Variants in TRPV5 observed in about 807,000 individuals in gnomAD.
TRPV5 encodes the protein transient receptor potential cation channel subfamily V member 5.
A neutral mutation model predicts 74.1 loss-of-function variants in TRPV5; 66 were observed. That is an observed-to-expected ratio of 0.89 (90% CI 0.73 to 1.09). The LOEUF is 1.09. Ranked by LOEUF, TRPV5 falls within the 50% of genes least tolerant of loss-of-function variation. TRPV5 has a pLI of 0.00. For synonymous variants in TRPV5, 399 were observed against 360.7 expected (o/e 1.11, Z -1.20); for missense variants, 936 against 930.4 (o/e 1.01, Z -0.08).
At chr7:142,925,387 T>C (rs903624482) in intron 8 of TRPV5, 142 bp downstream of exon 8, 2 of 766,264 alleles carry the variant, frequency 2.6e-6, no homozygotes, top group Non-Finnish European at 4.4e-6. Flanking sequence ...CCTGGTCTCA[T>C]GTCTAATTTC....
intron 8 of TRPV5, among the ~76,000 whole-genome samples, chr7:142,924,384 A>G (rs1411844077): frequency 8.3e-6 from 1 of 120,954 alleles, no homozygotes; most frequent in African/African-American, 3.9e-5. Flanking sequence ...ACATATATAT[A>G]TATATATACA....
chr7:142,925,688 C>T lies in TRPV5; in HGVS notation c.963G>A (p.Trp321Ter), dbSNP rs778285712. The change falls in exon 8 of 15, where the codon TGG becomes TGA. Residue 321 changes from tryptophan (W) to a stop codon, truncating the protein, a stop_gained. Transcript: ENST00000265310. LOFTEE classifies it high-confidence loss of function. ...AGAAGTACGGCCGGCCATACTTGTT[C>T]CACTTGAAGCTCACCAGCTCCTTCA... ...TPVKELVSFK[W>*]NKYGRPYFCI... 6.2e-7 allele frequency: 1 copy of T among 1,614,152 alleles called. No individual in the cohort carries two copies. The highest frequency in any genetic ancestry group is 8.5e-7 in the Non-Finnish European group (1 of 1,180,018).
At position 142,908,288 on chromosome 7, in the gene TRPV5, G is replaced by C; in HGVS notation, c.*226C>G. ...TGCCAACCTCCTTTTTCCTGAGATG[G>C]GTGACTTGCAAGAGCCCAGAAAATA... On this transcript the variant is annotated 3_prime_UTR_variant, in exon 15 of 15. Transcript: ENST00000265310. The C allele has an allele frequency of 3.4e-6, 2 of 584,362 alleles. No homozygotes were observed. Among genetic ancestry groups the C allele is most frequent in the African/African-American group, 1.9e-5 (1 of 53,808 alleles). 36.2% of individuals were successfully genotyped at this position (584,362 alleles called of 1,614,324 possible).
rs746449765 is a variant in TRPV5, at chr7:142,928,701, C to A, written c.752G>T (p.Gly251Val). 1 of 1,613,568 alleles carries A rather than the reference C, an allele frequency of 6.2e-7. No individual in the cohort carries two copies. Among genetic ancestry groups the A allele is most frequent in the Non-Finnish European group, 8.5e-7 (1 of 1,179,720 alleles). The change falls in exon 6 of 15, where the codon GGT becomes GTT. Residue 251 changes from glycine to valine, a missense_variant. Coordinates refer to ENST00000265310, the MANE Select transcript of TRPV5 (RefSeq NM_019841.7). Reference protein sequence around the residue: ...LTPFKLAGVEGNTVMFQHLMQ... With the variant: ...LTPFKLAGVEVNTVMFQHLMQ... ...GGGAGCGTCTCTTACCACAGTGTTA[C>A]CCTCCACTCCAGCCAGCTTGAAGGG...
intron 8 of TRPV5, chr7:142,925,007 A>G (rs4252440): frequency 0.015 from 2,498 of 171,418 alleles, 59 homozygotes; most frequent in African/African-American, 0.056. Context: ...TATTTACTTC[A>G]GCCTGATACC....
At chr7:142,918,980 C>T (rs924134417) in intron 8 of TRPV5, among the ~76,000 whole-genome samples, 10 of 152,248 alleles carry the variant, frequency 6.6e-5, no homozygotes, top group African/African-American at 2.4e-4. Flanking sequence ...GCTCTGGCCA[C>T]ATTGAGCTAT....
chr7:142,912,856 C>G (rs536477407), intron 12 of TRPV5, 106 bp from the exon 13 acceptor site: 7 of 944,060 alleles, frequency 7.4e-6, no homozygotes, highest in Non-Finnish European at 9.5e-6. Context: ...ATCTATCTAT[C>G]TATCTATCTA....
chr7:142,930,177 G>C lies in TRPV5; in HGVS notation c.230C>G (p.Ala77Gly). The stretch of plus-strand genomic sequence containing the variant: ...TATGTGCAGCGCCGTCTCCCCCAGG[G>C]CTCCTGGATTGGAGTAAGACAGAGA... Reference protein sequence around the residue: ...DCTCDVRQRGALGETALHIAA... With the variant: ...DCTCDVRQRGGLGETALHIAA... Residue 77 changes from alanine to glycine, a missense_variant, in exon 3 of 15, where the codon GCC (alanine) becomes GGC (glycine). Physicochemically the swap from Ala to Gly is moderately conservative, Grantham distance 60. Transcript: ENST00000265310. 1 of 1,612,224 alleles carries C rather than the reference G, an allele frequency of 6.2e-7. No homozygotes were observed. Among genetic ancestry groups the C allele is most frequent in the Non-Finnish European group, 8.5e-7 (1 of 1,179,546 alleles).
At position 142,912,734 on chromosome 7, in the gene TRPV5, GA is replaced by G; in HGVS notation, c.1535del (p.Phe512SerfsTer66). On this transcript the variant is annotated frameshift_variant, in exon 13 of 15. Transcript: ENST00000265310. LOFTEE classifies it high-confidence loss of function. Reference sequence around the variant, plus strand: ...CCAGACTGGTTGGGTCCTCTGTCTGGAAAATGATATAGAACGCTGCTCCGCC... The same window carrying G: ...CCAGACTGGTTGGGTCCTCTGTCTGGAAATGATATAGAACGCTGCTCCGCC... ...LGFASAFYII[F>X]QTEDPTSLGQ... 6.2e-7 allele frequency: 1 copy of G among 1,614,074 alleles called. No homozygotes were observed. Among genetic ancestry groups the G allele is most frequent in the Non-Finnish European group, 8.5e-7 (1 of 1,179,926 alleles).
intron 8 of TRPV5, among the ~76,000 whole-genome samples, chr7:142,924,326 G>T (rs1308853500): frequency 1.2e-4 from 1 of 8,616 alleles, no homozygotes; most frequent in Admixed American, 2.2e-3. Context: ...ACATATACAT[G>T]TATATATATA....
At chr7:142,928,958 C>T (rs1796038006) in intron 5 of TRPV5, 64 bp downstream of exon 5, 1 of 1,612,266 alleles carries the variant, frequency 6.2e-7, no homozygotes, top group Non-Finnish European at 8.5e-7. Context: ...GTCCCAGCTC[C>T]ACTCCTTACC....
Position 142,925,448 on chromosome 7 carries a change from G to T in TRPV5, c.1122+81C>A, listed in dbSNP as rs1468356188. On this transcript the variant is annotated intron_variant, in intron 8 of 14. Transcript: ENST00000265310. ...CTGCTGGAACCCAGAGCGTGGCATC[G>T]TCCCTGAGTAGCATGGCTTCGTTTC... 6.1e-6 allele frequency: 9 copies of T among 1,475,584 alleles called. No individual in the cohort carries two copies. The South Asian group carries it at 9.3e-5, about 15-fold the overall frequency. 91.4% of individuals were successfully genotyped at this position (1,475,584 alleles called of 1,614,324 possible).
Position 142,929,923 on chromosome 7 carries a change from C to T in TRPV5, c.349+135G>A, listed in dbSNP as rs1361159953. The T allele has an allele frequency of 7.1e-6, 10 of 1,399,386 alleles. No homozygotes were observed. In the African/African-American group the frequency reaches 8.7e-5, roughly 12 times the overall value. 86.7% of individuals were successfully genotyped at this position (1,399,386 alleles called of 1,614,324 possible). ...CAAGACCAGGACCTTTGCATTTCTCCCAACTCAACGGAGCCCATCCTCCTG... is the reference window on the plus strand; with the variant it reads ...CAAGACCAGGACCTTTGCATTTCTCTCAACTCAACGGAGCCCATCCTCCTG... On this transcript the variant is annotated intron_variant, in intron 3 of 14. Coordinates refer to ENST00000265310, the MANE Select transcript of TRPV5 (RefSeq NM_019841.7).
chr7:142,915,104 A>G, intron 10 of TRPV5, 58 bp from the exon 11 acceptor site: 1 of 1,588,842 alleles, frequency 6.3e-7, no homozygotes, highest in Non-Finnish European at 8.6e-7. Context: ...AGGTCCCTAC[A>G]GCATAGTGGT....
At chr7:142,910,187 T>C (rs1421977745) in intron 13 of TRPV5, among the ~76,000 whole-genome samples, 4 of 152,176 alleles carry the variant, frequency 2.6e-5, no homozygotes, top group East Asian at 3.8e-4. Context: ...GGATATGTAA[T>C]ATGTGGGGCA....
At position 142,925,564 on chromosome 7, in the gene TRPV5, G is replaced by A. The variant is rs760779120; in HGVS notation, c.1087C>T (p.Arg363Ter). The change falls in exon 8 of 15, where the codon CGA becomes TGA. Residue 363 changes from arginine to a stop codon, truncating the protein, a stop_gained. Coordinates refer to ENST00000265310, the MANE Select transcript of TRPV5 (RefSeq NM_019841.7). LOFTEE classifies it high-confidence loss of function. ...KFRGGNRTHS[R>*]DITILQQKLL... Reference sequence around the variant, plus strand: ...TTTTGCTGGAGGATGGTGATGTCTCGAGAATGAGTGCGGTTGCCACCACGA... The same window carrying A: ...TTTTGCTGGAGGATGGTGATGTCTCAAGAATGAGTGCGGTTGCCACCACGA... 11 of 1,614,152 alleles carry A rather than the reference G, an allele frequency of 6.8e-6. No homozygotes were observed. The highest frequency in any genetic ancestry group is 8.5e-6 in the Non-Finnish European group (10 of 1,180,022).
In TRPV5 at chr7:142,909,715, GT is replaced by G. The variant is rs369515274; in HGVS notation, c.1789-120del. ...CTGTGAGATAGGACACTAGAGGTCA[GT>G]GGTGAGAACAGCCACCTATTCACCC... On this transcript the variant is annotated intron_variant, in intron 13 of 14. Coordinates refer to ENST00000265310, the MANE Select transcript of TRPV5 (RefSeq NM_019841.7). The G allele has an allele frequency of 7.3e-5, 79 of 1,076,528 alleles. No individual in the cohort carries two copies. The African/African-American group carries it at 9.8e-4, about 13-fold the overall frequency. 66.7% of individuals were successfully genotyped at this position (1,076,528 alleles called of 1,614,324 possible).
chr7:142,924,776 T>A (rs1370681331), intron 8 of TRPV5: 1 of 152,284 alleles, frequency 6.6e-6, no homozygotes, highest in African/African-American at 2.4e-5. Context: ...CCACAAAGAG[T>A]CAACCCCTCA....
chr7:142,910,422 A>G (rs922189276), intron 13 of TRPV5, among the ~76,000 whole-genome samples: 4 of 152,224 alleles, frequency 2.6e-5, no homozygotes, highest in African/African-American at 9.6e-5. Flanking sequence ...CCTTAGCATT[A>G]TGTCCAAGTA....
Sources: allele counts gnomAD v4.1 joint callset (sites outside exome capture counted in the v4.1 genomes callset), GRCh38; gene constraint gnomAD v4.1.1; transcripts MANE v1.5; gene names NCBI Gene and HGNC (gene_info 2026-07-23, HGNC 2026-07-21).